LPP: variants seen among roughly 807,000 people sequenced by gnomAD.
The protein encoded by LPP is lipoma-preferred partner.
In LPP, 38 loss-of-function variants were observed where a neutral mutation model predicts 60.4. The observed-to-expected ratio is 0.63, with a 90% CI of 0.49 to 0.83. LPP has a LOEUF of 0.83. Ranked by LOEUF, LPP falls within the 40% of genes least tolerant of loss-of-function variation. LPP has a pLI of 0.00. For missense variants in LPP, 902 were observed against 783.6 expected, an observed-to-expected ratio of 1.15 and a Z score of -1.80; for synonymous variants, 328 against 290.8, an observed-to-expected ratio of 1.13 and a Z score of -1.30.
intron 9 of LPP, among the ~76,000 whole-genome samples, chr3:188,844,712 C>T (rs543555177): frequency 3.3e-5 from 5 of 152,282 alleles, no homozygotes; most frequent in African/African-American, 7.2e-5. Flanking sequence ...CACAGTGGAG[C>T]GGAAGGAGCG....
chr3:188,276,420 C>T (rs1436198684), intron 2 of LPP, among the ~76,000 whole-genome samples: 1 of 152,182 alleles, frequency 6.6e-6, no homozygotes, highest in Admixed American at 6.5e-5. Context: ...GTCACAGAAC[C>T]TGGAGGAAAG....
chr3:188,434,393 A>G (rs1176658220), intron 4 of LPP, among the ~76,000 whole-genome samples: 2 of 152,104 alleles, frequency 1.3e-5, no homozygotes, highest in African/African-American at 4.8e-5. Flanking sequence ...ATTCTTTTGG[A>G]TACCTGCTGA....
At chr3:188,854,717 CT>C (rs1763422765) in intron 9 of LPP, among the ~76,000 whole-genome samples, 2 of 152,202 alleles carry the variant, frequency 1.3e-5, no homozygotes, top group African/African-American at 4.8e-5. Flanking sequence ...TTCAAAGAAG[CT>C]TTTCTATCAT....
intron 5 of LPP, among the ~76,000 whole-genome samples, chr3:188,510,358 C>T (rs753979936): frequency 2.0e-5 from 3 of 152,082 alleles, no homozygotes; most frequent in South Asian, 2.1e-4. Context: ...TGTGGAATCA[C>T]GTTCATTTCT....
At chr3:188,453,514 G>C (rs185173313) in intron 4 of LPP, among the ~76,000 whole-genome samples, 2 of 152,014 alleles carry the variant, frequency 1.3e-5, no homozygotes, top group East Asian at 3.9e-4. Flanking sequence ...TCCTTCCGAC[G>C]GGATCTGCTT....
In LPP at chr3:188,889,897, T is replaced by G. The variant is rs1578144677; in HGVS notation, c.*15418T>G. Reference sequence around the variant, plus strand: ...GTCCAATTTCCACACTAGTCATTTTTTTTATTTTTTAGAGGATCAGATTTT... The same window carrying G: ...GTCCAATTTCCACACTAGTCATTTTGTTTATTTTTTAGAGGATCAGATTTT... On this transcript the variant is annotated 3_prime_UTR_variant, in exon 12 of 12. Transcript: ENST00000617246. The G allele has an allele frequency of 4.7e-6, 1 of 211,402 alleles. No individual in the cohort carries two copies. Among genetic ancestry groups the G allele is most frequent in the Non-Finnish European group, 9.6e-6 (1 of 104,102 alleles). 13.1% of individuals were successfully genotyped at this position (211,402 alleles called of 1,614,324 possible).
chr3:188,655,663 T>C (rs889787745), intron 7 of LPP, among the ~76,000 whole-genome samples: 1 of 152,210 alleles, frequency 6.6e-6, no homozygotes, highest in Non-Finnish European at 1.5e-5. Flanking sequence ...GTTTCCAACC[T>C]TAAGTTTTCT....
At chr3:188,715,161 C>T (rs576133911) in intron 8 of LPP, among the ~76,000 whole-genome samples, 3 of 151,900 alleles carry the variant, frequency 2.0e-5, no homozygotes, top group Non-Finnish European at 4.4e-5. Context: ...GGGCAGATCA[C>T]GAGGTCAAGA....
chr3:188,718,799 A>G (rs1715147501), intron 8 of LPP, among the ~76,000 whole-genome samples: 1 of 152,202 alleles, frequency 6.6e-6, no homozygotes, highest in East Asian at 1.9e-4. Context: ...GGGAGGAAAT[A>G]CTTCATTCAT....
At chr3:188,584,727 C>CT (rs932320939) in intron 6 of LPP, among the ~76,000 whole-genome samples, 39 of 150,964 alleles carry the variant, frequency 2.6e-4, no homozygotes, top group African/African-American at 9.2e-4. Flanking sequence ...CTTTCTTCTT[C>CT]TTTTTTTTTC....
intron 7 of LPP, among the ~76,000 whole-genome samples, chr3:188,677,888 A>G (rs1858483129): frequency 6.6e-6 from 1 of 151,960 alleles, no homozygotes; most frequent in Non-Finnish European, 1.5e-5. Context: ...GGGATTGTTT[A>G]CTCAAAGACA....
intron 5 of LPP, among the ~76,000 whole-genome samples, chr3:188,511,086 GC>G (rs930148569): frequency 1.2e-4 from 6 of 51,884 alleles, no homozygotes; most frequent in Admixed American, 3.2e-4. Context: ...TTCCCTCCCT[GC>G]CCCCCTCCCT....
At chr3:188,629,290 T>G (rs1847423695) in intron 7 of LPP, among the ~76,000 whole-genome samples, 1 of 152,126 alleles carries the variant, frequency 6.6e-6, no homozygotes, top group African/African-American at 2.4e-5. Flanking sequence ...TATTTCTGTT[T>G]GCAGATGATG....
chr3:188,637,656 A>G (rs980559431), intron 7 of LPP, among the ~76,000 whole-genome samples: 1 of 152,134 alleles, frequency 6.6e-6, no homozygotes, highest in Non-Finnish European at 1.5e-5. Context: ...AATCAAATAG[A>G]TGCAATAAAA....
intron 1 of LPP, among the ~76,000 whole-genome samples, chr3:188,199,290 G>A (rs1730377969): frequency 6.6e-6 from 1 of 152,150 alleles, no homozygotes; most frequent in Admixed American, 6.5e-5. Flanking sequence ...ATACTTTATT[G>A]GTCGGAGTAG....
Position 188,610,274 on chromosome 3 carries a change from T to C in LPP, c.1113+430T>C, listed in dbSNP as rs1046240432. On this transcript the variant is annotated intron_variant, in intron 7 of 11. Transcript: ENST00000617246. The surrounding 1 kb of genome is among the most constrained non-coding windows in gnomAD (Gnocchi z 4.4). The stretch of plus-strand genomic sequence containing the variant: ...TCTCAAGCCTCAGCAAGGGTAGTGA[T>C]CTATGGGTGAGACATGTGGAGGGCA... Among the ~76,000 whole-genome samples the C allele has an allele frequency of 7.9e-5, 12 of 152,216 alleles. No homozygotes were observed. Among genetic ancestry groups the C allele is most frequent in the Admixed American group, 5.9e-4 (9 of 15,278 alleles).
Position 188,882,592 on chromosome 3 carries a change from G to A in LPP, c.*8113G>A, listed in dbSNP as rs6793623. ...GCTACATCTTCTATTCTTGCAGCAA[G>A]GGTACATGTCCTTTGACCCTCCACA... On this transcript the variant is annotated 3_prime_UTR_variant, in exon 12 of 12. Coordinates refer to ENST00000617246, the MANE Select transcript of LPP (RefSeq NM_001375462.1). 50,576 of 221,232 alleles carry A rather than the reference G, an allele frequency of 0.23. 7,646 individuals are homozygous for A. The highest frequency in any genetic ancestry group is 0.5 in the East Asian group (7,538 of 15,076). The allele number at this position is 221,232 out of a possible 1,614,324, so 13.7% of individuals were successfully genotyped here.
chr3:188,247,623 A>T (rs1230882326), intron 2 of LPP, among the ~76,000 whole-genome samples: 2 of 151,798 alleles, frequency 1.3e-5, no homozygotes, highest in African/African-American at 4.8e-5. Context: ...ACATGGTGAA[A>T]CCCTGTTTCT....
chr3:188,805,834 C>T (rs1221362583), intron 9 of LPP, among the ~76,000 whole-genome samples: 10 of 151,554 alleles, frequency 6.6e-5, no homozygotes, highest in Admixed American at 5.3e-4. Context: ...TTTTTTGACG[C>T]ATGGTTTATT....
Sources: gnomAD v4.1 joint callset for allele counts (sites outside exome capture counted in the v4.1 genomes callset) on GRCh38, gnomAD v4.1.1 for gene constraint, Gnocchi (gnomAD v3.1) non-coding constraint, MANE v1.5 for transcripts, NCBI Gene and HGNC (gene_info 2026-07-23, HGNC 2026-07-21) for gene names.